The following VNN2 variants were observed in gnomAD, a reference collection of about 807,000 sequenced individuals.
The protein encoded by VNN2 is vanin 2, also known as pantetheine hydrolase VNN2.
A neutral mutation model predicts 43.0 loss-of-function variants in VNN2; 43 were observed. The ratio of observed to expected loss-of-function variants is 1.00; its 90% CI spans 0.78 to 1.29. The LOEUF (loss-of-function observed/expected upper bound fraction) is 1.29. Ranked by LOEUF, VNN2 falls within the 50% of genes most tolerant of loss-of-function variation. The pLI is 0.00. For synonymous variants in VNN2, 230 were observed against 224.3 expected, an observed-to-expected ratio of 1.03 and a Z score of -0.23; for missense variants, 652 against 619.7, an observed-to-expected ratio of 1.05 and a Z score of -0.55.
chr6:132,756,111 T>C, intron 2 of VNN2, 76 bp from the exon 3 acceptor site: 1 of 1,334,364 alleles, frequency 7.5e-7, no homozygotes, highest in Non-Finnish European at 1.0e-6. Flanking sequence ...CGATAGCAAC[T>C]GTAACCACTT....
intron 6 of VNN2, among the ~76,000 whole-genome samples, chr6:132,747,665 A>G (rs1779799077): frequency 6.6e-6 from 1 of 152,192 alleles, no homozygotes; most frequent in African/African-American, 2.4e-5. Flanking sequence ...TTAAGAGTTG[A>G]GATGTACAAA....
At chr6:132,744,529 A>G in intron 6 of VNN2, 38 bp from the exon 7 acceptor site, 1 of 1,533,534 alleles carries the variant, frequency 6.5e-7, no homozygotes, top group East Asian at 2.3e-5. Context: ...CAGCTTTCTT[A>G]ACATAGAAGT....
At position 132,752,720 on chromosome 6, in the gene VNN2, A is replaced by G. The variant is rs35967366; in HGVS notation, c.567T>C (p.Asn189=). ...KYHLYSEPQF[N]VPEKPELVTF... is the part of the protein sequence containing the mutation. ...TCACCAACTCCGGCTTTTCAGGGACATTAAACTGAGGCTCAGAGTACAGGT... is the reference window on the plus strand; with the variant it reads ...TCACCAACTCCGGCTTTTCAGGGACGTTAAACTGAGGCTCAGAGTACAGGT... Residue 189 remains asparagine, a synonymous_variant, in exon 4 of 7, where the codon AAT becomes AAC. Coordinates refer to ENST00000326499, the MANE Select transcript of VNN2 (RefSeq NM_004665.6). 8.6e-5 allele frequency: 139 copies of G among 1,614,122 alleles called. 1 individual carries two copies. In the East Asian group the frequency reaches 3.1e-3, roughly 35 times the overall value.
At chr6:132,754,423 C>T (rs901182870) in intron 3 of VNN2, among the ~76,000 whole-genome samples, 3 of 152,102 alleles carry the variant, frequency 2.0e-5, no homozygotes, top group Admixed American at 6.6e-5. Flanking sequence ...CTTATGTTAA[C>T]GATTTTTTCC....
At chr6:132,759,061 G>C (rs1366103619), upstream of VNN2, among the ~76,000 whole-genome samples, 14 of 152,080 alleles carry the variant, frequency 9.2e-5, no homozygotes, top group Admixed American at 9.2e-4. Context: ...CAGGATTGGT[G>C]ATAAAGATCA....
chr6:132,759,418 G>A (rs1381112404), upstream of VNN2, among the ~76,000 whole-genome samples: 11 of 124,778 alleles, frequency 8.8e-5, no homozygotes, highest in African/African-American at 1.6e-4. Context: ...CAGGCTGGGC[G>A]ACAGAGCGAA....
intron 3 of VNN2, chr6:132,753,994 A>C (rs1780301910): frequency 6.6e-6 from 1 of 151,152 alleles, no homozygotes; most frequent in African/African-American, 2.4e-5. Flanking sequence ...TGATCGACAA[A>C]GGTATTCTCA....
At position 132,757,762 on chromosome 6, in the gene VNN2, G is replaced by A. The variant is rs1193839115; in HGVS notation, c.122C>T (p.Thr41Ile). 6.2e-7 allele frequency: 1 copy of A among 1,613,936 alleles called. No individual in the cohort carries two copies. The highest frequency in any genetic ancestry group is 1.3e-5 in the African/African-American group (1 of 74,846). Residue 41 changes from threonine (T) to isoleucine (I), a missense_variant, in exon 1 of 7, where the codon ACA becomes ATA. Coordinates refer to ENST00000326499, the MANE Select transcript of VNN2 (RefSeq NM_004665.6). ...YEHAVILPNK[T>I]ETPVSQEDAL... Reference sequence around the variant, plus strand: ...ATCCTCCTGAGAAACTGGTGTTTCTGTTTTATTTGGCAAAATGACAGCATG... The same window carrying A: ...ATCCTCCTGAGAAACTGGTGTTTCTATTTTATTTGGCAAAATGACAGCATG...
rs779268788 is a variant in VNN2, at chr6:132,751,507, A to G, written c.838T>C (p.Tyr280His). Residue 280 changes from tyrosine (Y) to histidine (H), a missense_variant, in exon 5 of 7, where the codon TAT becomes CAT. By Grantham distance (83) the Tyr-to-His change is moderately conservative. Coordinates refer to ENST00000326499, the MANE Select transcript of VNN2 (RefSeq NM_004665.6). ...TACACTTTGGGACCATTTGGTGCATAAATACCACTTCCTGTGAATGAAAGA... is the reference window on the plus strand; with the variant it reads ...TACACTTTGGGACCATTTGGTGCATGAATACCACTTCCTGTGAATGAAAGA... ...VSLNMTGSGI[Y>H]APNGPKVYHY... is the part of the protein sequence containing the mutation. The G allele has an allele frequency of 2.5e-6, 4 of 1,606,498 alleles. No individual in the cohort carries two copies. In the Admixed American group the frequency reaches 5.1e-5, roughly 20 times the overall value.
At position 132,746,262 on chromosome 6, in the gene VNN2, C is replaced by A. The variant is rs147731611; in HGVS notation, c.1372-1771G>T. Among the ~76,000 whole-genome samples the A allele has an allele frequency of 2.6e-3, 389 of 152,276 alleles. 6 individuals are homozygous for A. Among genetic ancestry groups the A allele is most frequent in the African/African-American group, 9.0e-3 (374 of 41,536 alleles). ...GTAACACCACCCTTTTAACATAAAA[C>A]TAAAGTGGTGGTGGGGGTTGAGGAT... On this transcript the variant is annotated intron_variant, in intron 6 of 6. Coordinates refer to ENST00000326499, the MANE Select transcript of VNN2 (RefSeq NM_004665.6).
chr6:132,757,323 T>C (rs1339850619), intron 2 of VNN2, 93 bp downstream of exon 2: 1 of 1,445,296 alleles, frequency 6.9e-7, no homozygotes, highest in Non-Finnish European at 9.3e-7. Context: ...ATATACCACA[T>C]ATATGGTAAT....
chr6:132,755,138 T>C (rs960764937), intron 3 of VNN2, among the ~76,000 whole-genome samples: 1 of 152,136 alleles, frequency 6.6e-6, no homozygotes, highest in African/African-American at 2.4e-5. Flanking sequence ...TCCACTGCAC[T>C]CCAGCCTGGG....
At chr6:132,753,835 C>T (rs936969699) in intron 3 of VNN2, 2 of 159,676 alleles carry the variant, frequency 1.3e-5, no homozygotes, top group Non-Finnish European at 2.7e-5. Context: ...CACCTGTAAT[C>T]CCAGCTACTC....
intron 5 of VNN2, 117 bp from the exon 6 acceptor site, chr6:132,749,982 A>G: frequency 9.9e-7 from 1 of 1,005,134 alleles, no homozygotes; most frequent in Non-Finnish European, 1.4e-6. Flanking sequence ...CTGAAAAGGG[A>G]TTTGGATCAT....
chr6:132,757,872 G>A lies in VNN2; in HGVS notation c.12C>T (p.Ser4=), dbSNP rs1031595135. Residue 4 remains serine (S), a synonymous_variant, in exon 1 of 7, where the codon TCC becomes TCT. Coordinates refer to ENST00000326499, the MANE Select transcript of VNN2 (RefSeq NM_004665.6). ...AAACTGCCACAGAGATTGGAAAAGA[G>A]GAAGTGACCATGGCCAAGGTTTAGT... The part of the protein sequence containing the change: MVT[S]SFPISVAVFA... The A allele has an allele frequency of 6.2e-7, 1 of 1,613,448 alleles. No individual in the cohort carries two copies.
chr6:132,751,064 CT>C (rs2114558764), intron 5 of VNN2, 80 bp downstream of exon 5: 2 of 1,511,930 alleles, frequency 1.3e-6, no homozygotes, highest in East Asian at 4.5e-5. Flanking sequence ...GGAAAAGCAC[CT>C]GGTTTTCTGG....
chr6:132,756,152 G>A lies in VNN2; in HGVS notation c.345-117C>T, dbSNP rs546902256. The A allele has an allele frequency of 1.2e-5, 12 of 965,242 alleles. No homozygotes were observed. The African/African-American group carries it at 1.5e-4, about 12-fold the overall frequency. 59.8% of individuals were successfully genotyped at this position (965,242 alleles called of 1,614,324 possible). A position where few individuals can be genotyped will look rare whatever the true frequency, so the allele number is the denominator to read the frequency against. ...GAACTTAAGTTAATACAAAAACTATGCCTAAAAATATCATACTTTAAAAGC... is the reference window on the plus strand; with the variant it reads ...GAACTTAAGTTAATACAAAAACTATACCTAAAAATATCATACTTTAAAAGC... On this transcript the variant is annotated intron_variant, in intron 2 of 6. Transcript: ENST00000326499.
rs1289463393 is a variant in VNN2 at position 132,749,812 on chromosome 6, T to C, written c.1254A>G (p.Pro418=). 2 of 1,614,136 alleles carry C rather than the reference T, an allele frequency of 1.2e-6. No homozygotes were observed. The highest frequency in any genetic ancestry group is 1.1e-5 in the South Asian group (1 of 91,086). The part of the protein sequence containing the change: ...KTTNLTTCGR[P]VETASTRFEM... ...CAAATCTTGTAGAAGCAGTTTCTAC[T>C]GGCCGTCCACAAGTTGTCAAATTAG... is the stretch of plus-strand genomic sequence containing the variant. Residue 418 remains proline (P), a synonymous_variant, in exon 6 of 7, where the codon CCA becomes CCG. Transcript: ENST00000326499.
rs776443567 is a variant in VNN2, at chr6:132,752,706, G to T, written c.581C>A (p.Pro194Gln). Residue 194 changes from proline (P) to glutamine (Q), a missense_variant, in exon 4 of 7, where the codon CCG becomes CAG. Coordinates refer to ENST00000326499, the MANE Select transcript of VNN2 (RefSeq NM_004665.6). ...TGCGGTGTTGAAAGTCACCAACTCC[G>T]GCTTTTCAGGGACATTAAACTGAGG... ...SEPQFNVPEK[P>Q]ELVTFNTAFG... is the part of the protein sequence containing the mutation. The T allele has an allele frequency of 6.8e-6, 11 of 1,614,064 alleles. No homozygotes were observed. The highest frequency in any genetic ancestry group is 7.6e-6 in the Non-Finnish European group (9 of 1,180,010).
Sources: allele counts gnomAD v4.1 joint callset (sites outside exome capture counted in the v4.1 genomes callset), GRCh38; gene constraint gnomAD v4.1.1; transcripts MANE v1.5; gene names NCBI Gene and HGNC (gene_info 2026-07-23, HGNC 2026-07-21).